Variants in ATL1 observed in about 807,000 individuals in gnomAD.
ATL1 encodes the protein atlastin-1.
ATL1 carries 31 observed loss-of-function variants against 75.5 expected under a neutral mutation model. That is an observed-to-expected ratio of 0.41 (90% CI 0.31 to 0.55). The LOEUF is 0.55. Among genes scored for constraint, ATL1 ranks in the 20% least tolerant of loss-of-function variants. The probability of loss-of-function intolerance (pLI) is 0.27; values close to 1 mark genes in which losing one functional copy is unlikely to be tolerated. For missense variants in ATL1, 405 were observed against 662.6 expected (o/e 0.61, Z 4.27); for synonymous variants, 226 against 233.3 (o/e 0.97, Z 0.28).
intron 1 of ATL1, among the ~76,000 whole-genome samples, chr14:50,562,114 G>A (rs2038853247): frequency 6.6e-6 from 1 of 151,832 alleles, no homozygotes; most frequent in Non-Finnish European, 1.5e-5. Flanking sequence ...GTGCCTTCTG[G>A]GCTCACTGCA....
chr14:50,548,667 G>A (rs534035513), intron 1 of ATL1, among the ~76,000 whole-genome samples: 18 of 152,092 alleles, frequency 1.2e-4, no homozygotes, highest in African/African-American at 3.9e-4. Context: ...ACACCGCCAC[G>A]CCCAGCTAAT....
upstream of ATL1, chr14:50,559,164 A>G (rs1334027362): frequency 1.3e-5 from 2 of 152,244 alleles, no homozygotes; most frequent in Admixed American, 6.5e-5. Flanking sequence ...TTACATTGAG[A>G]GAGTGTAGCG....
intron 1 of ATL1, among the ~76,000 whole-genome samples, chr14:50,569,653 T>C (rs547241286): frequency 6.6e-6 from 1 of 152,304 alleles, no homozygotes; most frequent in African/African-American, 2.4e-5. Flanking sequence ...TATTTCTTCA[T>C]GTGGCTTTAA....
At chr14:50,561,386 A>G (rs982427581) in intron 1 of ATL1, among the ~76,000 whole-genome samples, 1 of 152,234 alleles carries the variant, frequency 6.6e-6, no homozygotes, top group African/African-American at 2.4e-5. Context: ...TGGTGGGTAA[A>G]TAAATATTTT....
chr14:50,573,032 T>C (rs1309468818), intron 1 of ATL1, among the ~76,000 whole-genome samples: 1 of 151,992 alleles, frequency 6.6e-6, no homozygotes, highest in Non-Finnish European at 1.5e-5. Flanking sequence ...TACAAAACCA[T>C]CAGATCTCAT....
intron 1 of ATL1, among the ~76,000 whole-genome samples, chr14:50,577,785 T>C (rs1437217445): frequency 1.3e-5 from 2 of 152,212 alleles, no homozygotes; most frequent in Non-Finnish European, 2.9e-5. Context: ...TACTGGCTTC[T>C]TAACATAGTG....
chr14:50,600,339 A>C (rs1009679736), intron 6 of ATL1, among the ~76,000 whole-genome samples: 4 of 152,114 alleles, frequency 2.6e-5, no homozygotes, highest in African/African-American at 9.7e-5. Context: ...TGACATTATG[A>C]AATGTCAGTG....
chr14:50,582,234 G>T (rs1189205576), intron 1 of ATL1, among the ~76,000 whole-genome samples: 1 of 151,348 alleles, frequency 6.6e-6, no homozygotes, highest in Non-Finnish European at 1.5e-5. Flanking sequence ...AGCCGAGATC[G>T]CGCCACTGCA....
chr14:50,560,263 A>G lies in ATL1; in HGVS notation c.-3A>G. On this transcript the variant is annotated 5_prime_UTR_variant, in exon 1 of 14. Transcript: ENST00000358385. ...CCTCACCGCCACCAGCTCCTGGACC[A>G]CCATGGCCAAGAACCGCAGGGACAG... The G allele has an allele frequency of 6.2e-7, 1 of 1,613,990 alleles. No homozygotes were observed. The highest frequency in any genetic ancestry group is 8.5e-7 in the Non-Finnish European group (1 of 1,179,890).
intron 1 of ATL1, among the ~76,000 whole-genome samples, chr14:50,565,275 G>A (rs1400927958): frequency 1.3e-5 from 2 of 151,688 alleles, no homozygotes; most frequent in Non-Finnish European, 2.9e-5. Flanking sequence ...GGGCCACAGA[G>A]TGAGACTCCA....
At position 50,628,195 on chromosome 14, in the gene ATL1, T is replaced by G; in HGVS notation, c.1284T>G (p.Leu428=). The change falls in exon 12 of 14, where the codon CTT becomes CTG. Residue 428 remains leucine (L), a synonymous_variant. Coordinates refer to ENST00000358385, the MANE Select transcript of ATL1 (RefSeq NM_015915.5). ...AGTTGGAGAGTGAAATAGATGAACT[T>G]TACATCCAATATATCAAGCACAATG... ...LQQLESEIDE[L]YIQYIKHNDS... is the part of the protein sequence containing the mutation. 1.9e-6 allele frequency: 3 copies of G among 1,614,054 alleles called. No homozygotes were observed. Among genetic ancestry groups the G allele is most frequent in the Non-Finnish European group, 2.5e-6 (3 of 1,180,020 alleles).
At chr14:50,629,962 TTC>T in intron 12 of ATL1, 31 bp from the exon 13 acceptor site, 1 of 1,546,208 alleles carries the variant, frequency 6.5e-7, no homozygotes, top group Non-Finnish European at 8.8e-7. Flanking sequence ...ATATATACTT[TTC>T]TTTTTTCTTT....
intron 8 of ATL1, among the ~76,000 whole-genome samples, chr14:50,614,995 G>C (rs893471704): frequency 3.3e-5 from 5 of 152,170 alleles, no homozygotes; most frequent in African/African-American, 9.7e-5. Context: ...AAGAGGACCA[G>C]TGTCTTAAAA....
chr14:50,612,979 T>C (rs1284898811), intron 6 of ATL1, among the ~76,000 whole-genome samples: 1 of 152,154 alleles, frequency 6.6e-6, no homozygotes, highest in Non-Finnish European at 1.5e-5. Context: ...CATAGCTCCA[T>C]TCAGGCAGTT....
At chr14:50,548,991 G>T (rs1227052886) in intron 1 of ATL1, among the ~76,000 whole-genome samples, 1 of 152,206 alleles carries the variant, frequency 6.6e-6, no homozygotes, top group South Asian at 2.1e-4. Flanking sequence ...CGTCTCTGGG[G>T]TGGCACAATT....
chr14:50,599,331 C>T (rs2039250228), intron 6 of ATL1, among the ~76,000 whole-genome samples: 1 of 152,138 alleles, frequency 6.6e-6, no homozygotes, highest in Non-Finnish European at 1.5e-5. Flanking sequence ...TCAAGTCTCA[C>T]TGATAATTAG....
intron 1 of ATL1, among the ~76,000 whole-genome samples, chr14:50,542,006 CAAAAAAAAAAAAA>C (rs59075218): frequency 3.2e-5 from 2 of 62,460 alleles, no homozygotes; most frequent in East Asian, 5.3e-4. Context: ...GATTCCGTCT[CAAAAAAAAAAAAA>C]AAAAAAAAAA....
At chr14:50,555,795 A>T (rs2038758528), upstream of ATL1, among the ~76,000 whole-genome samples, 1 of 152,194 alleles carries the variant, frequency 6.6e-6, no homozygotes, top group African/African-American at 2.4e-5. Context: ...TTGTTGCATG[A>T]AAGTAAATGT....
At chr14:50,619,217 C>A (rs1595618396) in intron 8 of ATL1, among the ~76,000 whole-genome samples, 1 of 152,258 alleles carries the variant, frequency 6.6e-6, no homozygotes, top group East Asian at 1.9e-4. Context: ...CCACGCCTGG[C>A]TAATTTTTTT....
Sources: gnomAD v4.1 joint callset for allele counts (sites outside exome capture counted in the v4.1 genomes callset) on GRCh38, gnomAD v4.1.1 for gene constraint, MANE v1.5 for transcripts, NCBI Gene and HGNC (gene_info 2026-07-23, HGNC 2026-07-21) for gene names.